G3BP2: variants seen among roughly 807,000 people sequenced by gnomAD.
The protein encoded by G3BP2 is G3BP stress granule assembly factor 2.
Under a neutral mutation model 56.7 loss-of-function variants are expected in G3BP2, and 11 were observed. The ratio of observed to expected loss-of-function variants is 0.19; its 90% CI spans 0.12 to 0.32. The LOEUF is 0.32. Ranked by LOEUF, G3BP2 falls within the 10% of genes least tolerant of loss-of-function variation. The pLI, the probability that G3BP2 is intolerant of heterozygous loss-of-function variation, is 1.00. For missense variants in G3BP2, 340 were observed against 610.9 expected (o/e 0.56, Z 4.67); for synonymous variants, 165 against 191.6 (o/e 0.86, Z 1.15).
chr4:75,724,424 G>T (rs1207427928), exon 1 of G3BP2: 1 of 248,068 alleles, frequency 4.0e-6, no homozygotes, highest in African/African-American at 2.3e-5. Flanking sequence ...CAGCCTGCAG[G>T]GCCGGGCTTC....
In G3BP2 at chr4:75,720,396, A is replaced by G. The variant is rs535865265; in HGVS notation, c.-25+481T>C. Among the ~76,000 whole-genome samples, 1,422 of 151,642 alleles carry G rather than the reference A, an allele frequency of 9.4e-3. 6 individuals carry two copies. The highest frequency in any genetic ancestry group is 0.02 in the Admixed American group (305 of 15,214). ...GGGCGCCTGTAGTCCCAGCTACTCC[A>G]GAGGCTGAGGCAGGAGAATGGCATG... is the stretch of plus-strand genomic sequence containing the variant. On this transcript the variant is annotated intron_variant, in intron 3 of 3. Transcript: ENST00000499709.
Position 75,648,639 on chromosome 4 carries a change from C to A in G3BP2, c.928G>T (p.Gly310Cys). The A allele has an allele frequency of 6.5e-7, 1 of 1,534,798 alleles. No homozygotes were observed. Among genetic ancestry groups the A allele is most frequent in the Non-Finnish European group, 9.0e-7 (1 of 1,108,226 alleles). The stretch of plus-strand genomic sequence containing the variant: ...AAAGGCTATAAAGGAGCTGACTCAC[C>A]TGGTCTTGGTCCTCTAGGAGGAAAA... ...PGFPPRGPRP[G>C]RGDMEQNDSD... Residue 310 changes from glycine to cysteine, a missense_variant and splice_region_variant, in exon 9 of 12, where the codon GGC becomes TGC. Gly to Cys is a radical substitution (Grantham distance 159, BLOSUM62 -3). Transcript: ENST00000359707.
chr4:75,659,465 C>A lies in G3BP2; in HGVS notation c.96-541G>T, dbSNP rs1039089274. On this transcript the variant is annotated intron_variant, in intron 2 of 11. Transcript: ENST00000359707. ...CCAAAATTACGCCAGCATCTAATTT[C>A]TTTTTAATATTTTTGTACTGTTCTT... Among the ~76,000 whole-genome samples, 4 of 152,214 alleles carry A rather than the reference C, an allele frequency of 2.6e-5. No homozygotes were observed. In the South Asian group the frequency reaches 8.3e-4, roughly 32 times the overall value.
At chr4:75,662,934 T>C (rs529369293) in intron 1 of G3BP2, among the ~76,000 whole-genome samples, 3 of 152,344 alleles carry the variant, frequency 2.0e-5, no homozygotes, top group South Asian at 2.1e-4. Context: ...TCTTTCCTTC[T>C]GGGAATTAAT....
intron 1 of G3BP2, among the ~76,000 whole-genome samples, chr4:75,671,667 C>T (rs766864814): frequency 6.6e-6 from 1 of 152,176 alleles, no homozygotes; most frequent in African/African-American, 2.4e-5. Flanking sequence ...CCTTATTATT[C>T]CTACAATTCC....
rs1289136324 is a variant in G3BP2 at position 75,644,775 on chromosome 4, T to G, written c.*655A>C. 6.6e-6 allele frequency: 1 copy of G among 152,668 alleles called. No individual in the cohort carries two copies. Among genetic ancestry groups the G allele is most frequent in the East Asian group, 1.9e-4 (1 of 5,200 alleles). 9.5% of individuals were successfully genotyped at this position (152,668 alleles called of 1,614,324 possible). ...TATTTAGTTCATAACTAAAATGATT[T>G]CCTTCTGGAATATACTTGTAGTCTT... On this transcript the variant is annotated 3_prime_UTR_variant, in exon 12 of 12. Transcript: ENST00000359707.
chr4:75,716,602 G>T (rs534882963), intron 3 of G3BP2, among the ~76,000 whole-genome samples: 1 of 152,092 alleles, frequency 6.6e-6, no homozygotes, highest in East Asian at 1.9e-4. Flanking sequence ...CGCAACCTCC[G>T]CCTCCCAGGT....
upstream of G3BP2, chr4:75,673,423 T>G (rs1481581839): frequency 1.6e-6 from 2 of 1,231,210 alleles, no homozygotes; most frequent in Non-Finnish European, 2.0e-6. Context: ...CCCGCCCCCT[T>G]TGCCACCGCC....
At position 75,642,972 on chromosome 4, in the gene G3BP2, A is replaced by G. The variant is rs192764388; in HGVS notation, c.*2458T>C. The G allele has an allele frequency of 3.9e-5, 6 of 152,722 alleles. No homozygotes were observed. Among genetic ancestry groups the G allele is most frequent in the East Asian group, 1.9e-4 (1 of 5,186 alleles). 9.5% of individuals were successfully genotyped at this position (152,722 alleles called of 1,614,324 possible). A position where few individuals can be genotyped will look rare whatever the true frequency, so the allele number is the denominator to read the frequency against. ...TACTAAAGCCAAGATGGTAAAGCCAATTTGGTTGCAATAGTGTCATAAGGA... is the reference window on the plus strand; with the variant it reads ...TACTAAAGCCAAGATGGTAAAGCCAGTTTGGTTGCAATAGTGTCATAAGGA... On this transcript the variant is annotated 3_prime_UTR_variant, in exon 12 of 12. Transcript: ENST00000359707.
At chr4:75,695,678 G>C (rs997841866) in intron 3 of G3BP2, among the ~76,000 whole-genome samples, 3 of 152,018 alleles carry the variant, frequency 2.0e-5, no homozygotes, top group African/African-American at 7.2e-5. Flanking sequence ...ATACACAAAA[G>C]CCCAAAACAC....
At chr4:75,685,423 C>T (rs1718551217) in intron 3 of G3BP2, among the ~76,000 whole-genome samples, 1 of 151,170 alleles carries the variant, frequency 6.6e-6, no homozygotes, top group Non-Finnish European at 1.5e-5. Context: ...ATCACTTGAA[C>T]CTGGGAGGTG....
At chr4:75,654,990 A>G (rs1731980078) in intron 7 of G3BP2, 76 bp downstream of exon 7, 7 of 909,384 alleles carry the variant, frequency 7.7e-6, no homozygotes, top group Non-Finnish European at 1.2e-5. Context: ...AACATAATAG[A>G]AAAAGGTCAT....
intron 5 of G3BP2, among the ~76,000 whole-genome samples, chr4:75,656,237 C>T (rs1194292864): frequency 6.6e-6 from 1 of 151,928 alleles, no homozygotes; most frequent in African/African-American, 2.4e-5. Context: ...AGTGATCCAC[C>T]CGCCCTGGCC....
intron 1 of G3BP2, among the ~76,000 whole-genome samples, chr4:75,670,104 G>A (rs1040865055): frequency 6.6e-6 from 1 of 152,184 alleles, no homozygotes; most frequent in Non-Finnish European, 1.5e-5. Flanking sequence ...ATAGGAGGCA[G>A]TTCTCTTTAC....
rs184096268 is a variant in G3BP2 at position 75,701,490 on chromosome 4, C to A, written c.-25+19387G>T. ...TTGCCCAGACTGGAGGGCAATGGCA[C>A]GGATCTTGGCTCGCAGCAACCTCCG... On this transcript the variant is annotated intron_variant, in intron 3 of 3. Transcript: ENST00000499709. Among the ~76,000 whole-genome samples the A allele has an allele frequency of 6.6e-5, 10 of 151,976 alleles. No homozygotes were observed. In the East Asian group the frequency reaches 1.9e-3, roughly 30 times the overall value.
At chr4:75,710,633 T>C (rs2149108206) in intron 3 of G3BP2, among the ~76,000 whole-genome samples, 1 of 152,312 alleles carries the variant, frequency 6.6e-6, no homozygotes, top group Admixed American at 6.5e-5. Context: ...AAATAAATGA[T>C]GAAGCCAGGA....
intron 3 of G3BP2, among the ~76,000 whole-genome samples, chr4:75,690,433 CAAAA>C (rs34459285): frequency 7.9e-6 from 1 of 127,124 alleles, no homozygotes; most frequent in Admixed American, 8.1e-5. Flanking sequence ...ACTCCATCTC[CAAAA>C]AAAAAAAAAG....
At chr4:75,645,732 T>C (rs1163412591) in intron 11 of G3BP2, 30 bp from the exon 12 acceptor site, 2 of 1,599,172 alleles carry the variant, frequency 1.3e-6, no homozygotes, top group Non-Finnish European at 1.7e-6. Flanking sequence ...AATATTTACA[T>C]GGGCAGGTTA....
intron 1 of G3BP2, among the ~76,000 whole-genome samples, chr4:75,671,746 A>T (rs933556383): frequency 1.3e-5 from 2 of 152,212 alleles, no homozygotes; most frequent in Non-Finnish European, 2.9e-5. Flanking sequence ...AGTAATCTTA[A>T]ACATTTAAGA....
Sources: allele counts gnomAD v4.1 joint callset (sites outside exome capture counted in the v4.1 genomes callset), GRCh38; gene constraint gnomAD v4.1.1; transcripts MANE v1.5; gene names NCBI Gene and HGNC (gene_info 2026-07-23, HGNC 2026-07-21).